ATP10B: variants seen among roughly 807,000 people sequenced by gnomAD.
ATP10B encodes phospholipid-transporting ATPase VB.
A neutral mutation model predicts 141.2 loss-of-function variants in ATP10B; 122 were observed. The observed-to-expected ratio is 0.86, with a 90% CI of 0.75 to 1.00. The LOEUF (loss-of-function observed/expected upper bound fraction) is 1.00, where lower values mean the gene tolerates loss of function less well. ATP10B is among the 50% of genes least tolerant of loss of function. The pLI, the probability that ATP10B is intolerant of heterozygous loss-of-function variation, is 0.00. For synonymous variants in ATP10B, 685 were observed against 692.0 expected, an observed-to-expected ratio of 0.99 and a Z score of 0.16; for missense variants, 1,876 against 1,825.3, an observed-to-expected ratio of 1.03 and a Z score of -0.51.
chr5:160,604,089 G>A (rs749212702), intron 19 of ATP10B, 48 bp from the exon 20 acceptor site: 11 of 1,405,268 alleles, frequency 7.8e-6, no homozygotes, highest in Admixed American at 1.7e-5. Context: ...CAACTGCTCA[G>A]TGACAATGAG....
chr5:160,786,644 C>A (rs1307464668), intron 1 of ATP10B, among the ~76,000 whole-genome samples: 1 of 152,120 alleles, frequency 6.6e-6, no homozygotes, highest in African/African-American at 2.4e-5. Context: ...TCATTGCTAA[C>A]TTTACTGACT....
chr5:160,593,595 C>T (rs1756474545), intron 22 of ATP10B, among the ~76,000 whole-genome samples: 4 of 151,670 alleles, frequency 2.6e-5, no homozygotes, highest in Admixed American at 2.6e-4. Context: ...TGAGGGAAGG[C>T]TTCAATCAAA....
intron 2 of ATP10B, among the ~76,000 whole-genome samples, chr5:160,764,355 A>T (rs1769255639): frequency 6.6e-6 from 1 of 152,158 alleles, no homozygotes; most frequent in Non-Finnish European, 1.5e-5. Flanking sequence ...TCAAAAAGAT[A>T]ATACACTATC....
At chr5:160,575,872 G>C (rs1197367863) in intron 24 of ATP10B, among the ~76,000 whole-genome samples, 1 of 152,140 alleles carries the variant, frequency 6.6e-6, no homozygotes, top group Non-Finnish European at 1.5e-5. Flanking sequence ...AGGCAAAGCT[G>C]GATGCAGGCA....
At chr5:160,910,384 C>CT in the ATP10B span, among the ~76,000 whole-genome samples, 1 of 152,182 alleles carries the variant, frequency 6.6e-6, no homozygotes, top group African/African-American at 2.4e-5. Context: ...TTCTCAATCT[C>CT]TTTCCACTAG....
the ATP10B span, among the ~76,000 whole-genome samples, chr5:160,926,571 G>C: frequency 6.6e-6 from 1 of 152,174 alleles, no homozygotes; most frequent in Non-Finnish European, 1.5e-5. Flanking sequence ...GACAGGGCTG[G>C]GGCTGACGCC....
chr5:160,575,981 A>G (rs1162002341), intron 24 of ATP10B, among the ~76,000 whole-genome samples: 1 of 152,200 alleles, frequency 6.6e-6, no homozygotes, highest in Non-Finnish European at 1.5e-5. Context: ...CATTACGGCA[A>G]GAAATTGCCA....
rs563773844 is a variant in ATP10B at position 160,567,395 on chromosome 5, G to A, written c.3939-1495C>T. Among the ~76,000 whole-genome samples the A allele has an allele frequency of 4.6e-5, 7 of 152,230 alleles. No homozygotes were observed. In the South Asian group the frequency reaches 1.4e-3, roughly 32 times the overall value. On this transcript the variant is annotated intron_variant, in intron 25 of 25. Coordinates refer to ENST00000327245, the MANE Select transcript of ATP10B (RefSeq NM_025153.3). ...ATTTCTCAAATCCACGCCCTTAAAT[G>A]TTTCTTCCTTGAGGAAATGCCCCCT...
intron 14 of ATP10B, among the ~76,000 whole-genome samples, chr5:160,621,436 C>A (rs1758343822): frequency 6.6e-6 from 1 of 152,114 alleles, no homozygotes; most frequent in Non-Finnish European, 1.5e-5. Flanking sequence ...AAGCTCCCAG[C>A]CAGCTGAAGC....
At chr5:160,661,481 G>C (rs1294692287) in intron 7 of ATP10B, among the ~76,000 whole-genome samples, 6 of 152,156 alleles carry the variant, frequency 3.9e-5, no homozygotes, top group African/African-American at 1.2e-4. Flanking sequence ...TTCAGAGATA[G>C]TAAAATATTT....
intron 18 of ATP10B, chr5:160,611,859 T>C (rs1027270784): frequency 6.6e-6 from 1 of 152,234 alleles, no homozygotes; most frequent in Non-Finnish European, 1.5e-5. Flanking sequence ...CTGGTTAATA[T>C]CCTCCATGGA....
intron 2 of ATP10B, among the ~76,000 whole-genome samples, chr5:160,769,008 A>G (rs1316011223): frequency 6.6e-6 from 1 of 152,180 alleles, no homozygotes; most frequent in East Asian, 1.9e-4. Context: ...TCATGGAAAC[A>G]CAAGTACACA....
chr5:160,892,617 C>T, the ATP10B span, among the ~76,000 whole-genome samples: 2 of 152,190 alleles, frequency 1.3e-5, no homozygotes, highest in African/African-American at 4.8e-5. Context: ...GAACCTTCTA[C>T]AAACCTCCCC....
In ATP10B at chr5:160,563,962, C is replaced by T. The variant is rs1754398023; in HGVS notation, c.*1491G>A. On this transcript the variant is annotated 3_prime_UTR_variant, in exon 26 of 26. Transcript: ENST00000327245. ...GTGAAACAGTGTATTAGCTCCAGGA[C>T]AGTGCTGCAAATGGCCCTTCCAGTC... is the stretch of plus-strand genomic sequence containing the variant. The T allele has an allele frequency of 6.6e-6, 1 of 152,318 alleles. No homozygotes were observed. The highest frequency in any genetic ancestry group is 2.1e-4 in the South Asian group (1 of 4,826). The allele number at this position is 152,318 out of a possible 1,614,324, so 9.4% of individuals were successfully genotyped here.
intron 7 of ATP10B, among the ~76,000 whole-genome samples, chr5:160,654,877 GA>G (rs1196470768): frequency 6.6e-6 from 1 of 152,164 alleles, no homozygotes; most frequent in Non-Finnish European, 1.5e-5. Context: ...CGATTTCAGA[GA>G]TAAAGGAATT....
chr5:160,676,549 C>G (rs1301889263), intron 6 of ATP10B, among the ~76,000 whole-genome samples: 1 of 152,142 alleles, frequency 6.6e-6, no homozygotes, highest in Non-Finnish European at 1.5e-5. Context: ...CTGCGATGAT[C>G]CTGGGTCTTA....
intron 3 of ATP10B, among the ~76,000 whole-genome samples, chr5:160,716,212 T>C (rs1020787135): frequency 6.6e-6 from 1 of 152,178 alleles, no homozygotes; most frequent in East Asian, 1.9e-4. Context: ...AACATATTTA[T>C]ATAATAGAAT....
At chr5:160,912,644 A>G in the ATP10B span, among the ~76,000 whole-genome samples, 1 of 151,694 alleles carries the variant, frequency 6.6e-6, no homozygotes, top group African/African-American at 2.4e-5. Flanking sequence ...AAAGGAGTAA[A>G]GAGAAGAGAG....
chr5:160,753,062 A>G (rs1406808389), intron 2 of ATP10B, among the ~76,000 whole-genome samples: 1 of 152,234 alleles, frequency 6.6e-6, no homozygotes, highest in Non-Finnish European at 1.5e-5. Flanking sequence ...ATAACAGCCA[A>G]TTAAATTACT....
Sources: gnomAD v4.1 joint callset for allele counts (sites outside exome capture counted in the v4.1 genomes callset) on GRCh38, gnomAD v4.1.1 for gene constraint, MANE v1.5 for transcripts, NCBI Gene and HGNC (gene_info 2026-07-23, HGNC 2026-07-21) for gene names.